The following LRRC4 variants were observed in gnomAD, a reference collection of about 807,000 sequenced individuals.
LRRC4 encodes the protein leucine-rich repeat-containing protein 4.
A neutral mutation model predicts 37.9 loss-of-function variants in LRRC4; 11 were observed. The observed-to-expected ratio is 0.29, with a 90% CI of 0.18 to 0.48. LRRC4 has a LOEUF of 0.48. Ranked by LOEUF, LRRC4 falls within the 20% of genes least tolerant of loss-of-function variation. The probability of loss-of-function intolerance (pLI) is 0.99; values close to 1 mark genes in which losing one functional copy is unlikely to be tolerated. For synonymous variants in LRRC4, 404 were observed against 346.7 expected, an observed-to-expected ratio of 1.17 and a Z score of -1.84; for missense variants, 717 against 842.1, an observed-to-expected ratio of 0.85 and a Z score of 1.84.
At chr7:128,030,802 C>G (rs760984754) in intron 1 of LRRC4, 62 bp from the exon 2 acceptor site, 7 of 900,922 alleles carry the variant, frequency 7.8e-6, no homozygotes, top group Non-Finnish European at 1.1e-5. Context: ...GAAAAAAATC[C>G]TGCCAAACTC....
At chr7:128,030,841 T>C (rs1008650788) in intron 1 of LRRC4, 72 bp downstream of exon 1, 1 of 583,372 alleles carries the variant, frequency 1.7e-6, no homozygotes, top group Non-Finnish European at 2.9e-6. Context: ...CAACCCACCC[T>C]CAAGGCAAGC....
At position 128,028,400 on chromosome 7, in the gene LRRC4, C is replaced by T; in HGVS notation, c.*279G>A. On this transcript the variant is annotated 3_prime_UTR_variant, in exon 2 of 2. Coordinates refer to ENST00000249363, the MANE Select transcript of LRRC4 (RefSeq NM_022143.5). The stretch of plus-strand genomic sequence containing the variant: ...TATCTCAGCAATTTCAACCTTATAC[C>T]AGAAATCCCTTCTGGCAGCATAGCA... The T allele has an allele frequency of 3.0e-6, 1 of 328,522 alleles. No homozygotes were observed. The allele number at this position is 328,522 out of a possible 1,614,324, so 20.4% of individuals were successfully genotyped here.
Position 128,029,945 on chromosome 7 carries a change from C to G in LRRC4, c.696G>C (p.Glu232Asp). ...GGCCATGGAAGGAGCCAGGCCTGAT[C>G]TCAGGGAAGTGGTTCCCTGACATCT... ...ELEMSGNHFP[E>D]IRPGSFHGLS... Residue 232 changes from glutamate to aspartate, a missense_variant, in exon 2 of 2, where the codon GAG (glutamate) becomes GAC (aspartate). Physicochemically the swap from Glu to Asp is conservative, Grantham distance 45 (BLOSUM62 2). This residue lies in a region of LRRC4 where 138 missense variants were observed against 261.0 expected (regional missense o/e 0.53). Transcript: ENST00000249363. This position sits in a 1 kb window ranked among gnomAD's most constrained non-coding sequence, Gnocchi z 4.2. The G allele has an allele frequency of 1.9e-6, 3 of 1,613,186 alleles. No individual in the cohort carries two copies. The highest frequency in any genetic ancestry group is 2.5e-6 in the Non-Finnish European group (3 of 1,180,028).
At chr7:128,030,856 C>T (rs746717636) in intron 1 of LRRC4, 57 bp downstream of exon 1, 88 of 532,776 alleles carry the variant, frequency 1.7e-4, no homozygotes, top group Non-Finnish European at 2.5e-4. Context: ...GCAAGCCCTC[C>T]GAAAGCTACG....
chr7:128,032,116 C>G (rs1334635761), upstream of LRRC4: 1 of 151,936 alleles, frequency 6.6e-6, no homozygotes, highest in Non-Finnish European at 1.5e-5. Flanking sequence ...GTACTGCTGA[C>G]GCATACTGTT....
In LRRC4 at chr7:128,028,843, T is replaced by G; in HGVS notation, c.1798A>C (p.Thr600Pro). 6.2e-7 allele frequency: 1 copy of G among 1,614,162 alleles called. No homozygotes were observed. Among genetic ancestry groups the G allele is most frequent in the Non-Finnish European group, 8.5e-7 (1 of 1,180,028 alleles). The change falls in exon 2 of 2, where the codon ACA becomes CCA. Residue 600 changes from threonine (T) to proline (P), a missense_variant. Transcript: ENST00000249363. Reference sequence around the variant, plus strand: ...TTGTAGTTAATATGGTCATGAATTGTGGGCAGCACTACTGCCCCCTCACCT... The same window carrying G: ...TTGTAGTTAATATGGTCATGAATTGGGGGCAGCACTACTGCCCCCTCACCT... ...VSGEGAVVLP[T>P]IHDHINYNTY...
In LRRC4 at chr7:128,030,607, G is replaced by A; in HGVS notation, c.34C>T (p.His12Tyr). 5 of 1,581,914 alleles carry A rather than the reference G, an allele frequency of 3.2e-6. No homozygotes were observed. The highest frequency in any genetic ancestry group is 4.3e-6 in the Non-Finnish European group (5 of 1,160,166). The change falls in exon 2 of 2, where the codon CAC (histidine) becomes TAC (tyrosine). Residue 12 changes from histidine to tyrosine, a missense_variant. Physicochemically the swap from His to Tyr is moderately conservative, Grantham distance 83. Transcript: ENST00000249363. ...KLLWQVTVHH[H>Y]TWNAILLPFV... ...GGGAGCAGGATGGCATTCCAGGTGT[G>A]GTGGTGCACAGTTACCTGCCACAAG... is the stretch of plus-strand genomic sequence containing the variant.
upstream of LRRC4, chr7:128,031,707 CAG>C (rs1272056196): frequency 2.1e-5 from 3 of 143,526 alleles, no homozygotes; most frequent in African/African-American, 5.0e-5. Context: ...CAGGCCCCTT[CAG>C]AGAGTCCGGG....
chr7:128,029,753 A>C lies in LRRC4; in HGVS notation c.888T>G (p.His296Gln). The change falls in exon 2 of 2, where the codon CAT becomes CAG. Residue 296 changes from histidine to glutamine, a missense_variant. Physicochemically the swap from His to Gln is conservative, Grantham distance 24. This residue lies in a region of LRRC4 where 138 missense variants were observed against 261.0 expected (regional missense o/e 0.53). Coordinates refer to ENST00000249363, the MANE Select transcript of LRRC4 (RefSeq NM_022143.5). The surrounding 1 kb of genome is among the most constrained non-coding windows in gnomAD (Gnocchi z 4.2). ...FTPLRYLVELHLHHNPWNCDC... is the reference protein window; with the variant it reads ...FTPLRYLVELQLHHNPWNCDC... ...CACAGTTCCAAGGGTTGTGGTGTAG[A>C]TGCAACTCCACCAGGTACCTCAGCG... is the stretch of plus-strand genomic sequence containing the variant. 1 of 1,614,068 alleles carries C rather than the reference A, an allele frequency of 6.2e-7. No homozygotes were observed. Among genetic ancestry groups the C allele is most frequent in the Non-Finnish European group, 8.5e-7 (1 of 1,180,044 alleles).
In LRRC4 at chr7:128,029,073, A is replaced by G; in HGVS notation, c.1568T>C (p.Met523Thr). 1 of 1,614,044 alleles carries G rather than the reference A, an allele frequency of 6.2e-7. No individual in the cohort carries two copies. The highest frequency in any genetic ancestry group is 8.5e-7 in the Non-Finnish European group (1 of 1,180,002). ...DKMQTSLDEVMKTTKIIIGCF... is the reference protein window; with the variant it reads ...DKMQTSLDEVTKTTKIIIGCF... Reference sequence around the variant, plus strand: ...GCCAATGATGATCTTGGTGGTCTTCATGACTTCATCCAGGCTGGTCTGCAT... The same window carrying G: ...GCCAATGATGATCTTGGTGGTCTTCGTGACTTCATCCAGGCTGGTCTGCAT... Residue 523 changes from methionine (M) to threonine (T), a missense_variant, in exon 2 of 2, where the codon ATG becomes ACG. Met to Thr is a moderately conservative substitution (Grantham distance 81, BLOSUM62 -1). Around this residue, in one of 5 missense-constraint regions of LRRC4, gnomAD observed 19 missense variants for 40.7 expected, o/e 0.47. Coordinates refer to ENST00000249363, the MANE Select transcript of LRRC4 (RefSeq NM_022143.5). This position sits in a 1 kb window ranked among gnomAD's most constrained non-coding sequence, Gnocchi z 4.2.
rs775856905 is a variant in LRRC4 at position 128,030,674 on chromosome 7, G to A, written c.-34C>T. ...ACGTTCATAATTCACCATCGCCTGG[G>A]ATTTTGGCTCGGAAAGGAGAACCAG... On this transcript the variant is annotated 5_prime_UTR_variant, in exon 2 of 2. Coordinates refer to ENST00000249363, the MANE Select transcript of LRRC4 (RefSeq NM_022143.5). 3 of 1,523,380 alleles carry A rather than the reference G, an allele frequency of 2.0e-6. No individual in the cohort carries two copies. The highest frequency in any genetic ancestry group is 2.6e-5 in the South Asian group (2 of 77,304). The allele number at this position is 1,523,380 out of a possible 1,614,324, so 94.4% of individuals were successfully genotyped here.
chr7:128,030,693 G>A lies in LRRC4; in HGVS notation c.-53C>T. On this transcript the variant is annotated 5_prime_UTR_variant, in exon 2 of 2. Coordinates refer to ENST00000249363, the MANE Select transcript of LRRC4 (RefSeq NM_022143.5). ...GCCTGGGATTTTGGCTCGGAAAGGA[G>A]AACCAGCCCTACCCCGGCTTAAGTG... 3 of 1,522,384 alleles carry A rather than the reference G, an allele frequency of 2.0e-6. No homozygotes were observed. In the East Asian group the frequency reaches 6.8e-5, roughly 35 times the overall value. 94.3% of individuals were successfully genotyped at this position (1,522,384 alleles called of 1,614,324 possible).
chr7:128,030,925 G>A lies in LRRC4; in HGVS notation c.-113C>T. The A allele has an allele frequency of 3.0e-6, 1 of 331,940 alleles. No individual in the cohort carries two copies. The highest frequency in any genetic ancestry group is 5.6e-6 in the Non-Finnish European group (1 of 179,984). The allele number at this position is 331,940 out of a possible 1,614,324, so 20.6% of individuals were successfully genotyped here. On this transcript the variant is annotated 5_prime_UTR_variant, in exon 1 of 2. Transcript: ENST00000249363. Reference sequence around the variant, plus strand: ...CGCCGTCACCTACCTCGGAAGGAAGGCAGGAAAGCACTGGCGTGGTGTCCT... The same window carrying A: ...CGCCGTCACCTACCTCGGAAGGAAGACAGGAAAGCACTGGCGTGGTGTCCT...
rs1803516740 is a variant in LRRC4, at chr7:128,027,664, A to C, written c.*1015T>G. The stretch of plus-strand genomic sequence containing the variant: ...TTCTCCTCCCTCTCCACCTTAAAAC[A>C]AACAAAATCTTTTTTAAAAATCATA... On this transcript the variant is annotated 3_prime_UTR_variant, in exon 2 of 2. Coordinates refer to ENST00000249363, the MANE Select transcript of LRRC4 (RefSeq NM_022143.5). 6.6e-6 allele frequency: 1 copy of C among 152,184 alleles called. No homozygotes were observed. Among genetic ancestry groups the C allele is most frequent in the African/African-American group, 2.4e-5 (1 of 41,430 alleles). 9.4% of individuals were successfully genotyped at this position (152,184 alleles called of 1,614,324 possible).
chr7:128,031,034 C>T lies in LRRC4; in HGVS notation c.-222G>A, dbSNP rs1304573716. The T allele has an allele frequency of 5.9e-5, 1 of 17,032 alleles. No individual in the cohort carries two copies. The highest frequency in any genetic ancestry group is 2.1e-3 in the East Asian group (1 of 482). The allele number at this position is 17,032 out of a possible 1,614,324, so 1.1% of individuals were successfully genotyped here. On this transcript the variant is annotated 5_prime_UTR_variant, in exon 1 of 2. Coordinates refer to ENST00000249363, the MANE Select transcript of LRRC4 (RefSeq NM_022143.5). Reference sequence around the variant, plus strand: ...TAACAAAAGGGGGAAGTGGTGGGGGCGGGGAGGGCAGAGGGGAGGGGAGGG... The same window carrying T: ...TAACAAAAGGGGGAAGTGGTGGGGGTGGGGAGGGCAGAGGGGAGGGGAGGG...
chr7:128,030,571 G>A lies in LRRC4; in HGVS notation c.70C>T (p.Leu24Phe), dbSNP rs1267403960. The A allele has an allele frequency of 1.2e-6, 2 of 1,609,796 alleles. No individual in the cohort carries two copies. Among genetic ancestry groups the A allele is most frequent in the Non-Finnish European group, 1.7e-6 (2 of 1,177,182 alleles). Residue 24 changes from leucine to phenylalanine, a missense_variant, in exon 2 of 2, where the codon CTC (leucine) becomes TTC (phenylalanine). Leu to Phe is a conservative substitution (Grantham distance 22). This residue lies in a region of LRRC4 where 127 missense variants were observed against 134.8 expected (regional missense o/e 0.94). Transcript: ENST00000249363. The part of the protein sequence containing the change: ...WNAILLPFVY[L>F]TAQVWILCAA... The stretch of plus-strand genomic sequence containing the variant: ...CACAGAATCCACACTTGCGCCGTGA[G>A]GTAGACGAACGGGAGCAGGATGGCA...
Position 128,028,631 on chromosome 7 carries a change from C to CT in LRRC4, c.*47dup. 2 of 1,548,942 alleles carry CT rather than the reference C, an allele frequency of 1.3e-6. No individual in the cohort carries two copies. The highest frequency in any genetic ancestry group is 1.4e-5 in the African/African-American group (1 of 72,966). ...CCCCACTCTGTACAAAAGTTGCTGT[C>CT]TTTGTGTGCATTCTATTGCATTTTA... On this transcript the variant is annotated 3_prime_UTR_variant, in exon 2 of 2. Transcript: ENST00000249363.
At position 128,029,248 on chromosome 7, in the gene LRRC4, A is replaced by C; in HGVS notation, c.1393T>G (p.Ser465Ala). The C allele has an allele frequency of 1.2e-6, 2 of 1,614,088 alleles. No homozygotes were observed. The highest frequency in any genetic ancestry group is 1.7e-6 in the Non-Finnish European group (2 of 1,180,022). ...TTVTVETTEISPEDTTRKYKP... is the reference protein window; with the variant it reads ...TTVTVETTEIAPEDTTRKYKP... Reference sequence around the variant, plus strand: ...TACTTTCGCGTTGTGTCCTCAGGCGAGATCTCCGTGGTCTCCACTGTTACT... The same window carrying C: ...TACTTTCGCGTTGTGTCCTCAGGCGCGATCTCCGTGGTCTCCACTGTTACT... Residue 465 changes from serine to alanine, a missense_variant, in exon 2 of 2, where the codon TCG (serine) becomes GCG (alanine). This residue lies in a region of LRRC4 where 293 missense variants were observed against 268.3 expected (regional missense o/e 1.09). Coordinates refer to ENST00000249363, the MANE Select transcript of LRRC4 (RefSeq NM_022143.5). This position sits in a 1 kb window ranked among gnomAD's most constrained non-coding sequence, Gnocchi z 4.2.
rs1792500957 is a variant in LRRC4 at position 128,029,258 on chromosome 7, G to A, written c.1383C>T (p.Thr461=). The A allele has an allele frequency of 6.2e-7, 1 of 1,614,014 alleles. No homozygotes were observed. Among genetic ancestry groups the A allele is most frequent in the Admixed American group, 1.7e-5 (1 of 59,998 alleles). ...YSFFTTVTVE[T]TEISPEDTTR... The stretch of plus-strand genomic sequence containing the variant: ...TTGTGTCCTCAGGCGAGATCTCCGT[G>A]GTCTCCACTGTTACTGTGGTGAAGA... Residue 461 remains threonine (T), a synonymous_variant, in exon 2 of 2, where the codon ACC becomes ACT. Coordinates refer to ENST00000249363, the MANE Select transcript of LRRC4 (RefSeq NM_022143.5). This position sits in a 1 kb window ranked among gnomAD's most constrained non-coding sequence, Gnocchi z 4.2.
Sources: gnomAD v4.1 joint callset for allele counts on GRCh38, gnomAD v4.1.1 for gene constraint, gnomAD v4.1.1 regional missense constraint, Gnocchi (gnomAD v3.1) non-coding constraint, MANE v1.5 for transcripts, NCBI Gene and HGNC (gene_info 2026-07-23, HGNC 2026-07-21) for gene names.